The following ARMH3 variants were observed in gnomAD, a reference collection of about 807,000 sequenced individuals.
ARMH3 encodes the protein armadillo-like helical domain-containing protein 3.
ARMH3 carries 60 observed loss-of-function variants against 99.1 expected under a neutral mutation model. The observed-to-expected ratio is 0.61, with a 90% CI of 0.49 to 0.75. The LOEUF is 0.75. ARMH3 is among the 30% of genes least tolerant of loss of function. ARMH3 has a pLI of 0.00. For synonymous variants in ARMH3, 285 were observed against 292.8 expected, an observed-to-expected ratio of 0.97 and a Z score of 0.27; for missense variants, 679 against 843.1, an observed-to-expected ratio of 0.81 and a Z score of 2.41.
chr10:102,049,769 T>C (rs1002980932), intron 1 of ARMH3, among the ~76,000 whole-genome samples: 2 of 151,554 alleles, frequency 1.3e-5, no homozygotes, highest in African/African-American at 4.8e-5. Context: ...GTTGCCCAGG[T>C]TGGTCTCAAA....
chr10:101,854,953 T>G (rs563559944), intron 24 of ARMH3, among the ~76,000 whole-genome samples: 50 of 115,582 alleles, frequency 4.3e-4, no homozygotes, highest in Non-Finnish European at 7.7e-4. Context: ...GTATTTGGAG[T>G]TCTGGCTATC....
chr10:101,868,750 A>G (rs1021945189), intron 24 of ARMH3, among the ~76,000 whole-genome samples: 3 of 152,202 alleles, frequency 2.0e-5, no homozygotes, highest in African/African-American at 7.2e-5. Context: ...TATATAAAAT[A>G]TGGGTTAATC....
chr10:101,952,781 T>C (rs1267225587), intron 22 of ARMH3: 4 of 152,214 alleles, frequency 2.6e-5, no homozygotes, highest in African/African-American at 7.2e-5. Context: ...TCCAGAACTT[T>C]TTCATCTTGT....
intron 23 of ARMH3, among the ~76,000 whole-genome samples, chr10:101,895,278 CTTTTTTT>C (rs745819768): frequency 9.1e-5 from 12 of 131,726 alleles, no homozygotes; most frequent in Non-Finnish European, 1.6e-4. Flanking sequence ...CGATAAAATT[CTTTTTTT>C]TTTTTTTTTT....
chr10:101,971,364 A>G (rs573508238), intron 20 of ARMH3, among the ~76,000 whole-genome samples: 3 of 152,186 alleles, frequency 2.0e-5, no homozygotes, highest in African/African-American at 7.2e-5. Flanking sequence ...AGATCACCTA[A>G]GGTCAGAAAT....
intron 20 of ARMH3, among the ~76,000 whole-genome samples, chr10:101,966,083 T>C (rs545679204): frequency 8.5e-4 from 129 of 151,476 alleles, no homozygotes; most frequent in African/African-American, 2.9e-3. Flanking sequence ...ACAATCTAAT[T>C]TTTTTTTCTT....
At chr10:101,995,189 A>T (rs976255458) in intron 16 of ARMH3, 108 bp downstream of exon 16, 9 of 950,890 alleles carry the variant, frequency 9.5e-6, no homozygotes, top group African/African-American at 1.7e-5. Flanking sequence ...TTTCTCTCCT[A>T]AACTTTAGGA....
At chr10:102,029,375 T>A in intron 5 of ARMH3, 2 of 1,274,404 alleles carry the variant, frequency 1.6e-6, no homozygotes, top group Non-Finnish European at 1.1e-6. Flanking sequence ...TAAGAATGTA[T>A]GATCATATGA....
intron 20 of ARMH3, among the ~76,000 whole-genome samples, chr10:101,974,942 T>C (rs1416929658): frequency 1.3e-5 from 2 of 150,974 alleles, no homozygotes; most frequent in Admixed American, 6.6e-5. Context: ...AAATACTCAA[T>C]TGTTTTTACC....
At chr10:101,952,393 G>A (rs1844833599) in intron 22 of ARMH3, among the ~76,000 whole-genome samples, 1 of 152,130 alleles carries the variant, frequency 6.6e-6, no homozygotes, top group African/African-American at 2.4e-5. Context: ...AACACAAACA[G>A]TCACAGACCA....
At chr10:101,985,270 G>A (rs112488328) in intron 19 of ARMH3, among the ~76,000 whole-genome samples, 8 of 144,146 alleles carry the variant, frequency 5.5e-5, no homozygotes, top group African/African-American at 2.6e-5. Context: ...GTGTATATAC[G>A]TATGTGTATA....
intron 22 of ARMH3, among the ~76,000 whole-genome samples, chr10:101,955,606 C>T (rs1402377426): frequency 6.6e-6 from 1 of 152,194 alleles, no homozygotes; most frequent in Non-Finnish European, 1.5e-5. Flanking sequence ...TTTCCAAATC[C>T]TCTCCAGTTT....
In ARMH3 at chr10:101,847,131, C is replaced by G. The variant is rs1344206040; in HGVS notation, c.*397G>C. ...GCTCCAGCTATATCTGAGAGTTGAT[C>G]TGTTTTCAGAAGCCGAGCAGAGCCA... On this transcript the variant is annotated 3_prime_UTR_variant, in exon 26 of 26. Transcript: ENST00000370033. 1 of 183,000 alleles carries G rather than the reference C, an allele frequency of 5.5e-6. No individual in the cohort carries two copies. Among genetic ancestry groups the G allele is most frequent in the African/African-American group, 2.4e-5 (1 of 42,420 alleles). 11.3% of individuals were successfully genotyped at this position (183,000 alleles called of 1,614,324 possible).
At chr10:101,909,244 T>A (rs569157922) in intron 23 of ARMH3, among the ~76,000 whole-genome samples, 2 of 151,570 alleles carry the variant, frequency 1.3e-5, no homozygotes, top group Non-Finnish European at 2.9e-5. Context: ...CCGTCTCTAC[T>A]AAAAATACAA....
chr10:102,009,394 AG>A lies in ARMH3; in HGVS notation c.933del (p.Phe312SerfsTer5). 6.2e-7 allele frequency: 1 copy of A among 1,614,020 alleles called. No homozygotes were observed. The highest frequency in any genetic ancestry group is 8.5e-7 in the Non-Finnish European group (1 of 1,179,882). ...ALYEAVHLNRNFITVLAQSHP... is the reference protein window; with the variant it reads ...ALYEAVHLNRXFITVLAQSHP... ...CCAACCTGAGCTAATACTGTGATGA[AG>A]TTGCGATTTAAATGAACAGCTTCAT... On this transcript the variant is annotated frameshift_variant, in exon 13 of 26. Coordinates refer to ENST00000370033, the MANE Select transcript of ARMH3 (RefSeq NM_024541.3). LOFTEE classifies it high-confidence loss of function.
intron 5 of ARMH3, chr10:102,029,337 A>G (rs1445286042): frequency 9.8e-7 from 1 of 1,015,380 alleles, no homozygotes; most frequent in Non-Finnish European, 1.4e-6. Flanking sequence ...GTATGTTGTT[A>G]TATTTTATTT....
At chr10:102,053,711 G>C (rs1187182806) in intron 1 of ARMH3, among the ~76,000 whole-genome samples, 1 of 150,764 alleles carries the variant, frequency 6.6e-6, no homozygotes, top group Non-Finnish European at 1.5e-5. Flanking sequence ...CCAGGCTGGA[G>C]TGCAGTGGCA....
chr10:101,876,515 G>C lies in ARMH3; in HGVS notation c.1860+12897C>G, dbSNP rs373869733. 2.6e-5 allele frequency among the ~76,000 whole-genome samples: 4 copies of C among 152,074 alleles called. No individual in the cohort carries two copies. The East Asian group carries it at 5.8e-4, about 22-fold the overall frequency. ...TCTTTTAACAGAAATCCCATCTGTG[G>C]GCTCTAACTAGGTGGGTCATTTTGA... On this transcript the variant is annotated intron_variant, in intron 24 of 25. Coordinates refer to ENST00000370033, the MANE Select transcript of ARMH3 (RefSeq NM_024541.3).
chr10:102,041,867 C>T (rs1320139956), intron 1 of ARMH3, among the ~76,000 whole-genome samples: 2 of 152,084 alleles, frequency 1.3e-5, no homozygotes, highest in African/African-American at 4.8e-5. Context: ...CCAGGCTGCT[C>T]TCAAACTCCT....
Sources: gnomAD v4.1 joint callset for allele counts (sites outside exome capture counted in the v4.1 genomes callset) on GRCh38, gnomAD v4.1.1 for gene constraint, MANE v1.5 for transcripts, NCBI Gene and HGNC (gene_info 2026-07-23, HGNC 2026-07-21) for gene names.